The following SEMA5A variants were observed in gnomAD, a reference collection of about 807,000 sequenced individuals.
SEMA5A encodes semaphorin 5A.
SEMA5A carries 55 observed loss-of-function variants against 135.5 expected under a neutral mutation model. The ratio of observed to expected loss-of-function variants is 0.41; its 90% CI spans 0.33 to 0.51. SEMA5A has a LOEUF of 0.51. Among genes scored for constraint, SEMA5A ranks in the 20% least tolerant of loss-of-function variants. The pLI is 0.37. For synonymous variants in SEMA5A, 580 were observed against 546.5 expected, an observed-to-expected ratio of 1.06 and a Z score of -0.85; for missense variants, 1,290 against 1,419.9, an observed-to-expected ratio of 0.91 and a Z score of 1.47.
intron 1 of SEMA5A, among the ~76,000 whole-genome samples, chr5:9,485,910 T>C (rs895872489): frequency 6.6e-6 from 1 of 152,164 alleles, no homozygotes; most frequent in South Asian, 2.1e-4. Context: ...ATTTAAGATA[T>C]CATCTAATAT....
intron 2 of SEMA5A, among the ~76,000 whole-genome samples, chr5:9,394,798 C>T (rs1411380444): frequency 1.3e-5 from 2 of 152,022 alleles, no homozygotes; most frequent in Non-Finnish European, 2.9e-5. Context: ...TATGGCACAT[C>T]CATACTATTA....
intron 3 of SEMA5A, among the ~76,000 whole-genome samples, chr5:9,356,259 T>G (rs181213721): frequency 6.6e-6 from 1 of 152,352 alleles, no homozygotes; most frequent in Admixed American, 6.5e-5. Context: ...TCTGATCTGC[T>G]TCTGCCTTCC....
At chr5:9,464,718 C>A (rs1759189598) in intron 1 of SEMA5A, among the ~76,000 whole-genome samples, 1 of 152,154 alleles carries the variant, frequency 6.6e-6, no homozygotes, top group Admixed American at 6.5e-5. Context: ...TAGACCATCA[C>A]AGCCTCCTTT....
intron 6 of SEMA5A, 50 bp downstream of exon 6, chr5:9,237,778 A>C: frequency 3.3e-6 from 5 of 1,521,700 alleles, no homozygotes; most frequent in Middle Eastern, 1.7e-4. Flanking sequence ...TATATAGTGT[A>C]GAGTCCTTCA....
intron 5 of SEMA5A, among the ~76,000 whole-genome samples, chr5:9,285,014 C>T (rs1366792317): frequency 6.6e-6 from 1 of 152,134 alleles, no homozygotes; most frequent in African/African-American, 2.4e-5. Context: ...CTCACATCCT[C>T]CTATTCTAAT....
At chr5:9,215,619 T>G (rs879630500) in intron 8 of SEMA5A, among the ~76,000 whole-genome samples, 1 of 152,178 alleles carries the variant, frequency 6.6e-6, no homozygotes, top group African/African-American at 2.4e-5. Flanking sequence ...CCTCAAGGAC[T>G]TGGAGAGTGC....
chr5:9,403,119 T>C (rs1031452455), intron 2 of SEMA5A, among the ~76,000 whole-genome samples: 1 of 152,184 alleles, frequency 6.6e-6, no homozygotes, highest in Non-Finnish European at 1.5e-5. Context: ...CCACTACAAA[T>C]GCATCCACAA....
chr5:9,251,757 T>C (rs1193998551), intron 5 of SEMA5A, among the ~76,000 whole-genome samples: 1 of 152,156 alleles, frequency 6.6e-6, no homozygotes, highest in Non-Finnish European at 1.5e-5. Flanking sequence ...GCAAGACATA[T>C]TGGGAAAGTT....
chr5:9,496,692 G>A (rs908277273), intron 1 of SEMA5A, among the ~76,000 whole-genome samples: 7 of 152,052 alleles, frequency 4.6e-5, no homozygotes, highest in South Asian at 2.1e-4. Flanking sequence ...CTGTCTGCTC[G>A]GTCACCAGCC....
intron 2 of SEMA5A, among the ~76,000 whole-genome samples, chr5:9,406,697 G>T (rs1188548762): frequency 6.6e-6 from 1 of 152,160 alleles, no homozygotes; most frequent in Non-Finnish European, 1.5e-5. Context: ...ATAGGTTAAT[G>T]TATAATAACT....
At chr5:9,101,412 T>C (rs1195600371) in intron 16 of SEMA5A, among the ~76,000 whole-genome samples, 1 of 152,186 alleles carries the variant, frequency 6.6e-6, no homozygotes, top group Admixed American at 6.5e-5. Flanking sequence ...TACTACTTCA[T>C]TGGATTATTG....
chr5:9,146,125 C>A lies in SEMA5A; in HGVS notation c.1481+8363G>T, dbSNP rs1414307027. On this transcript the variant is annotated intron_variant, in intron 12 of 22. Transcript: ENST00000382496. The stretch of plus-strand genomic sequence containing the variant: ...TCACGTGTTGATGGGTTCTTACCCA[C>A]CCTGCCCAGGGTCTGGGGGTGTTAC... 2.0e-5 allele frequency among the ~76,000 whole-genome samples: 3 copies of A among 152,242 alleles called. 1 individual carries two copies. Among genetic ancestry groups the A allele is most frequent in the South Asian group, 4.1e-4 (2 of 4,822 alleles).
At chr5:9,272,833 C>T (rs1281442932) in intron 5 of SEMA5A, among the ~76,000 whole-genome samples, 9 of 152,098 alleles carry the variant, frequency 5.9e-5, no homozygotes, top group Non-Finnish European at 1.3e-4. Flanking sequence ...CAAAAGGATG[C>T]CCACTCAGAG....
At chr5:9,278,461 C>T (rs1045160731) in intron 5 of SEMA5A, among the ~76,000 whole-genome samples, 1 of 152,152 alleles carries the variant, frequency 6.6e-6, no homozygotes, top group Non-Finnish European at 1.5e-5. Flanking sequence ...AAAAGAAAAA[C>T]CCATTTTCTG....
chr5:9,348,671 C>A (rs1579388123), intron 3 of SEMA5A, among the ~76,000 whole-genome samples: 1 of 152,182 alleles, frequency 6.6e-6, no homozygotes, highest in African/African-American at 2.4e-5. Flanking sequence ...TTTAGAATTA[C>A]AAATGATGTT....
chr5:9,236,215 C>A (rs1480198882), intron 6 of SEMA5A, among the ~76,000 whole-genome samples: 1 of 152,138 alleles, frequency 6.6e-6, no homozygotes, highest in East Asian at 1.9e-4. Flanking sequence ...ACAGAGCAAC[C>A]CCTGGGAGGC....
chr5:9,461,723 G>T (rs1181855343), intron 1 of SEMA5A, among the ~76,000 whole-genome samples: 2 of 152,198 alleles, frequency 1.3e-5, no homozygotes, highest in African/African-American at 2.4e-5. Context: ...ACAATCATAT[G>T]TGGAGGAAAC....
At chr5:9,311,746 T>TAATAA (rs532087075) in intron 5 of SEMA5A, among the ~76,000 whole-genome samples, 259 of 152,120 alleles carry the variant, frequency 1.7e-3, no homozygotes, top group Non-Finnish European at 3.0e-3. Context: ...AGTATAATGA[T>TAATAA]AATAAAATAA....
intron 12 of SEMA5A, among the ~76,000 whole-genome samples, chr5:9,146,094 G>A (rs1560959866): frequency 6.6e-6 from 1 of 152,128 alleles, no homozygotes; most frequent in Non-Finnish European, 1.5e-5. Flanking sequence ...TCTTTGTAAA[G>A]CAGTTTCACG....
Sources: allele counts gnomAD v4.1 joint callset (sites outside exome capture counted in the v4.1 genomes callset), GRCh38; gene constraint gnomAD v4.1.1; transcripts MANE v1.5; gene names NCBI Gene and HGNC (gene_info 2026-07-23, HGNC 2026-07-21).